Variants in TDRD9 observed in about 807,000 individuals in gnomAD.
The protein encoded by TDRD9 is ATP-dependent RNA helicase TDRD9.
In TDRD9, 124 loss-of-function variants were observed where a neutral mutation model predicts 172.6. The ratio of observed to expected loss-of-function variants is 0.72; its 90% CI spans 0.62 to 0.83. The LOEUF (loss-of-function observed/expected upper bound fraction) is 0.83. TDRD9 is among the 40% of genes least tolerant of loss of function. The probability of loss-of-function intolerance (pLI) is 0.00; values close to 1 mark genes in which losing one functional copy is unlikely to be tolerated. For synonymous variants in TDRD9, 619 were observed against 617.1 expected (o/e 1.00, Z -0.05); for missense variants, 1,479 against 1,714.1 (o/e 0.86, Z 2.42).
intron 1 of TDRD9, among the ~76,000 whole-genome samples, chr14:103,952,385 G>T (rs1329235209): frequency 6.7e-6 from 1 of 148,790 alleles, no homozygotes; most frequent in Non-Finnish European, 1.5e-5. Flanking sequence ...GGGACTACAG[G>T]CGCCCGCCAC....
chr14:103,952,190 G>GTGTATATATATA lies in TDRD9; in HGVS notation c.216-3473_216-3472insGTATATATATAT, dbSNP rs1366094210. 5.9e-4 allele frequency among the ~76,000 whole-genome samples: 33 copies of GTGTATATATATA among 55,528 alleles called. 1 individual carries two copies. Among genetic ancestry groups the GTGTATATATATA allele is most frequent in the African/African-American group, 1.6e-3 (23 of 14,536 alleles). 36.4% of individuals were successfully genotyped at this position (55,528 alleles called of 152,430 possible). On this transcript the variant is annotated intron_variant, in intron 1 of 35. Coordinates refer to ENST00000409874, the MANE Select transcript of TDRD9 (RefSeq NM_153046.3). ...TGTATATATGTGTGTGCGTGTGTGT[G>GTGTATATATATA]TATATATATATATATATATATATAT... is the stretch of plus-strand genomic sequence containing the variant.
At position 103,941,369 on chromosome 14, in the gene TDRD9, G is replaced by T. The variant is rs945493029; in HGVS notation, c.215+12645G>T. On this transcript the variant is annotated intron_variant, in intron 1 of 35. Coordinates refer to ENST00000409874, the MANE Select transcript of TDRD9 (RefSeq NM_153046.3). ...AGGAACTTGGACTTAGCAGTAGCAG[G>T]AATCATAAGAGAACATAGTATTTTT... 11 of 1,483,870 alleles carry T rather than the reference G, an allele frequency of 7.4e-6. No homozygotes were observed. The African/African-American group carries it at 1.4e-4, about 19-fold the overall frequency. 91.9% of individuals were successfully genotyped at this position (1,483,870 alleles called of 1,614,324 possible). A position where few individuals can be genotyped will look rare whatever the true frequency, so the allele number is the denominator to read the frequency against.
intron 13 of TDRD9, among the ~76,000 whole-genome samples, chr14:103,999,703 C>T (rs1405389806): frequency 8.8e-6 from 1 of 113,480 alleles, no homozygotes; most frequent in Non-Finnish European, 1.9e-5. Context: ...ACTAAATACA[C>T]CCCCCAAAAT....
intron 5 of TDRD9, among the ~76,000 whole-genome samples, chr14:103,968,804 A>AAAAAAAAAAG (rs1555366387): frequency 8.1e-6 from 1 of 123,516 alleles, no homozygotes; most frequent in African/African-American, 2.9e-5. Flanking sequence ...TCAAAAAAAA[A>AAAAAAAAAAG]GAATAAAGTA....
chr14:103,995,761 C>T lies in TDRD9; in HGVS notation c.1332C>T (p.Ser444=). 1 of 1,607,334 alleles carries T rather than the reference C, an allele frequency of 6.2e-7. No homozygotes were observed. The highest frequency in any genetic ancestry group is 8.5e-7 in the Non-Finnish European group (1 of 1,177,206). ...PVPGYRKIIL[S]TNIAESSVTV... is the part of the protein sequence containing the mutation. ...TTGATGTTTAACAGATTATTCTGTC[C>T]ACCAATATTGCAGAGAGTTCTGTCA... Residue 444 remains serine (S), a synonymous_variant, in exon 12 of 36, where the codon TCC becomes TCT. Transcript: ENST00000409874.
In TDRD9 at chr14:103,955,588, G is replaced by A. The variant is rs534626725; in HGVS notation, c.216-76G>A. ...TTTGCATTTTTTCCTGTGACTTAATGTGAAAAACTTGTCTAGTACACAAGG... is the reference window on the plus strand; with the variant it reads ...TTTGCATTTTTTCCTGTGACTTAATATGAAAAACTTGTCTAGTACACAAGG... On this transcript the variant is annotated intron_variant, in intron 1 of 35. Coordinates refer to ENST00000409874, the MANE Select transcript of TDRD9 (RefSeq NM_153046.3). 78 of 1,053,736 alleles carry A rather than the reference G, an allele frequency of 7.4e-5. No individual in the cohort carries two copies. The African/African-American group carries it at 1.1e-3, about 14-fold the overall frequency. The allele number at this position is 1,053,736 out of a possible 1,614,324, so 65.3% of individuals were successfully genotyped here. A position where few individuals can be genotyped will look rare whatever the true frequency, so the allele number is the denominator to read the frequency against.
intron 35 of TDRD9, among the ~76,000 whole-genome samples, chr14:104,050,364 G>T (rs1783963988): frequency 6.6e-6 from 1 of 152,130 alleles, no homozygotes; most frequent in Non-Finnish European, 1.5e-5. Flanking sequence ...TTCAGTGAAG[G>T]AATTTTCAGG....
At chr14:103,947,128 T>C (rs1337757484) in intron 1 of TDRD9, among the ~76,000 whole-genome samples, 1 of 152,134 alleles carries the variant, frequency 6.6e-6, no homozygotes, top group African/African-American at 2.4e-5. Context: ...CATTTCCTGA[T>C]TTTTAAATTA....
At chr14:103,961,570 AAAAAAG>A (rs1448907126) in intron 2 of TDRD9, among the ~76,000 whole-genome samples, 1 of 151,544 alleles carries the variant, frequency 6.6e-6, no homozygotes, top group East Asian at 1.9e-4. Context: ...CCAGAAAAAG[AAAAAAG>A]AAAAAGAAAA....
intron 34 of TDRD9, among the ~76,000 whole-genome samples, chr14:104,047,072 GAGTC>G (rs1346719849): frequency 1.3e-5 from 2 of 152,302 alleles, no homozygotes; most frequent in South Asian, 4.1e-4. Flanking sequence ...TGGAACCTGT[GAGTC>G]AGTTTGGGGA....
At chr14:103,962,162 T>G (rs1309350061) in intron 2 of TDRD9, among the ~76,000 whole-genome samples, 2 of 152,210 alleles carry the variant, frequency 1.3e-5, no homozygotes, top group African/African-American at 2.4e-5. Flanking sequence ...CTCTGTGTCA[T>G]GTATCCTGAG....
chr14:103,964,639 G>T (rs1328995189), intron 3 of TDRD9, among the ~76,000 whole-genome samples: 1 of 152,134 alleles, frequency 6.6e-6, no homozygotes, highest in East Asian at 1.9e-4. Flanking sequence ...CAATTCTCCT[G>T]CTTCAACCTC....
chr14:104,043,359 A>C (rs935406732), intron 34 of TDRD9, among the ~76,000 whole-genome samples: 1 of 151,622 alleles, frequency 6.6e-6, no homozygotes, highest in Non-Finnish European at 1.5e-5. Context: ...CTCCTGCCTC[A>C]GCATCCAAGT....
chr14:104,001,241 CTCTG>C (rs1006733382), intron 13 of TDRD9, among the ~76,000 whole-genome samples: 4 of 152,244 alleles, frequency 2.6e-5, no homozygotes, highest in African/African-American at 4.8e-5. Context: ...GCCCCTAACA[CTCTG>C]TCTGTCAACT....
chr14:104,012,271 G>C (rs1045842432), intron 20 of TDRD9, among the ~76,000 whole-genome samples: 1 of 152,276 alleles, frequency 6.6e-6, no homozygotes, highest in South Asian at 2.1e-4. Flanking sequence ...TTATCCAGGA[G>C]GGTAAGAGTC....
intron 35 of TDRD9, 108 bp from the exon 36 acceptor site, chr14:104,051,873 G>T: frequency 8.1e-6 from 5 of 619,026 alleles, no homozygotes; most frequent in Non-Finnish European, 1.2e-5. Context: ...AAATATTTTT[G>T]GAGAACTGAA....
chr14:104,022,563 C>A (rs2034990729), intron 24 of TDRD9, among the ~76,000 whole-genome samples: 1 of 152,026 alleles, frequency 6.6e-6, no homozygotes, highest in Admixed American at 6.6e-5. Context: ...CCTGTCTGTA[C>A]TGACAATACA....
chr14:104,026,024 T>C (rs778475838), intron 26 of TDRD9, 23 bp from the exon 27 acceptor site: 9 of 1,498,844 alleles, frequency 6.0e-6, no homozygotes, highest in African/African-American at 1.4e-5. Flanking sequence ...CGTCGTAAAG[T>C]GTATACTTGC....
intron 2 of TDRD9, among the ~76,000 whole-genome samples, chr14:103,957,960 CTTTT>C (rs2032326740): frequency 6.6e-6 from 1 of 152,124 alleles, no homozygotes; most frequent in Non-Finnish European, 1.5e-5. Flanking sequence ...ATATTTGGGG[CTTTT>C]CTCTGGGCAG....
Sources: gnomAD v4.1 joint callset for allele counts (sites outside exome capture counted in the v4.1 genomes callset) on GRCh38, gnomAD v4.1.1 for gene constraint, MANE v1.5 for transcripts, NCBI Gene and HGNC (gene_info 2026-07-23, HGNC 2026-07-21) for gene names.